HS6ST3: variants seen among roughly 807,000 people sequenced by gnomAD.
The protein encoded by HS6ST3 is heparan-sulfate 6-O-sulfotransferase 3.
A neutral mutation model predicts 36.7 loss-of-function variants in HS6ST3; 12 were observed. The observed-to-expected ratio is 0.33, with a 90% CI of 0.21 to 0.53. The LOEUF (loss-of-function observed/expected upper bound fraction) is 0.53, where lower values mean the gene tolerates loss of function less well. HS6ST3 is among the 20% of genes least tolerant of loss of function. HS6ST3 has a pLI of 0.95. For synonymous variants in HS6ST3, 240 were observed against 257.5 expected (o/e 0.93, Z 0.65); for missense variants, 584 against 640.9 (o/e 0.91, Z 0.96).
At chr13:96,229,201 T>G (rs2054495655) in intron 1 of HS6ST3, among the ~76,000 whole-genome samples, 1 of 152,198 alleles carries the variant, frequency 6.6e-6, no homozygotes, top group Non-Finnish European at 1.5e-5. Context: ...TTTGGTTTTC[T>G]CTGATTTTTG....
intron 1 of HS6ST3, among the ~76,000 whole-genome samples, chr13:96,408,498 G>A (rs1310165426): frequency 6.6e-6 from 1 of 152,186 alleles, no homozygotes; most frequent in Admixed American, 6.5e-5. Context: ...GCACATATTT[G>A]TTGTCGAATA....
intron 1 of HS6ST3, among the ~76,000 whole-genome samples, chr13:96,357,853 G>T (rs2055217811): frequency 6.6e-6 from 1 of 152,068 alleles, no homozygotes; most frequent in African/African-American, 2.4e-5. Context: ...CTTGGTTGTG[G>T]TGAGCCAAAA....
chr13:96,729,095 A>G (rs1285195465), intron 1 of HS6ST3, among the ~76,000 whole-genome samples: 1 of 152,208 alleles, frequency 6.6e-6, no homozygotes, highest in South Asian at 2.1e-4. Context: ...TAACAAATAT[A>G]GTATTTTTGA....
intron 1 of HS6ST3, among the ~76,000 whole-genome samples, chr13:96,209,470 C>T (rs958938891): frequency 6.6e-6 from 1 of 152,128 alleles, no homozygotes; most frequent in Non-Finnish European, 1.5e-5. Flanking sequence ...CTTTCTCAAG[C>T]TCATTATCTG....
chr13:96,786,052 T>A (rs1221050464), intron 1 of HS6ST3, among the ~76,000 whole-genome samples: 8 of 152,122 alleles, frequency 5.3e-5, no homozygotes, highest in Non-Finnish European at 1.2e-4. Context: ...CTCTACAGGG[T>A]GTGACTACTT....
intron 1 of HS6ST3, among the ~76,000 whole-genome samples, chr13:96,110,667 C>A (rs2139299917): frequency 6.6e-6 from 1 of 152,054 alleles, no homozygotes; most frequent in East Asian, 1.9e-4. Context: ...CTCCTGATCC[C>A]CCCGCCTCGG....
At chr13:96,700,554 T>C (rs545513281) in intron 1 of HS6ST3, among the ~76,000 whole-genome samples, 1 of 152,336 alleles carries the variant, frequency 6.6e-6, no homozygotes, top group East Asian at 1.9e-4. Flanking sequence ...ATTCTTTTTA[T>C]TTGAACAACC....
intron 1 of HS6ST3, among the ~76,000 whole-genome samples, chr13:96,800,555 A>G (rs1878041479): frequency 6.6e-6 from 1 of 152,086 alleles, no homozygotes; most frequent in South Asian, 2.1e-4. Flanking sequence ...AAGGTAAAAA[A>G]TATATAAGAC....
chr13:96,197,057 A>G (rs2054317897), intron 1 of HS6ST3, among the ~76,000 whole-genome samples: 2 of 152,250 alleles, frequency 1.3e-5, no homozygotes, highest in Admixed American at 1.3e-4. Flanking sequence ...CTCATTGTCA[A>G]TGACATGACA....
intron 1 of HS6ST3, among the ~76,000 whole-genome samples, chr13:96,625,840 CT>C (rs879864974): frequency 2.8e-3 from 399 of 141,456 alleles, no homozygotes; most frequent in East Asian, 3.9e-3. Context: ...AATTCTTCTT[CT>C]TTTTTTTTTT....
intron 1 of HS6ST3, among the ~76,000 whole-genome samples, chr13:96,718,988 A>G (rs1176652320): frequency 1.3e-5 from 2 of 152,128 alleles, no homozygotes; most frequent in African/African-American, 4.8e-5. Context: ...AGAAGTTTCT[A>G]TTTCATCCGG....
chr13:96,702,214 G>C (rs918340662), intron 1 of HS6ST3, among the ~76,000 whole-genome samples: 2 of 152,132 alleles, frequency 1.3e-5, no homozygotes, highest in African/African-American at 4.8e-5. Context: ...ATGTAGGAGA[G>C]GATTAAAGAG....
intron 1 of HS6ST3, among the ~76,000 whole-genome samples, chr13:96,805,013 G>A (rs1594864431): frequency 1.3e-5 from 2 of 152,164 alleles, no homozygotes; most frequent in African/African-American, 2.4e-5. Context: ...TCAGAAATAC[G>A]TAAATGAGAA....
intron 1 of HS6ST3, among the ~76,000 whole-genome samples, chr13:96,120,462 A>G (rs1292903691): frequency 6.6e-6 from 1 of 152,228 alleles, no homozygotes. Flanking sequence ...AAGACATTCT[A>G]TATGCTCTGT....
intron 1 of HS6ST3, among the ~76,000 whole-genome samples, chr13:96,689,965 G>A (rs1874905999): frequency 6.6e-6 from 1 of 152,006 alleles, no homozygotes; most frequent in African/African-American, 2.4e-5. Context: ...TTTTGAAGAA[G>A]GCACTACGTG....
chr13:96,349,777 G>A (rs1048927042), intron 1 of HS6ST3, among the ~76,000 whole-genome samples: 1 of 152,190 alleles, frequency 6.6e-6, no homozygotes, highest in Admixed American at 6.5e-5. Context: ...AATTGTTAAT[G>A]CCATATGACC....
At chr13:96,211,499 T>C (rs1187701026) in intron 1 of HS6ST3, among the ~76,000 whole-genome samples, 1 of 152,238 alleles carries the variant, frequency 6.6e-6, no homozygotes, top group African/African-American at 2.4e-5. Context: ...CTCAGCTTAG[T>C]ACTTTTGAGG....
chr13:96,661,830 CTT>C (rs1040216168), intron 1 of HS6ST3, among the ~76,000 whole-genome samples: 1 of 152,026 alleles, frequency 6.6e-6, no homozygotes, highest in African/African-American at 2.4e-5. Context: ...CTGGGAAAGA[CTT>C]TATTTATCTT....
intron 1 of HS6ST3, among the ~76,000 whole-genome samples, chr13:96,431,905 C>T (rs1255043772): frequency 1.3e-5 from 2 of 152,136 alleles, no homozygotes; most frequent in African/African-American, 2.4e-5. Flanking sequence ...GTGGTCTATA[C>T]CTGTGTCTTT....
Sources: allele counts gnomAD v4.1 joint callset (sites outside exome capture counted in the v4.1 genomes callset), GRCh38; gene constraint gnomAD v4.1.1; transcripts MANE v1.5; gene names NCBI Gene and HGNC (gene_info 2026-07-23, HGNC 2026-07-21).